Variants in GPC6 observed in about 807,000 individuals in gnomAD.
GPC6 encodes the protein glypican-6.
Under a neutral mutation model 55.2 loss-of-function variants are expected in GPC6, and 14 were observed. That is an observed-to-expected ratio of 0.25 (90% CI 0.17 to 0.40). The LOEUF is 0.40. Among genes scored for constraint, GPC6 ranks in the 10% least tolerant of loss-of-function variants. GPC6 has a pLI of 1.00. For missense variants in GPC6, 641 were observed against 708.5 expected, an observed-to-expected ratio of 0.90 and a Z score of 1.08; for synonymous variants, 278 against 259.6, an observed-to-expected ratio of 1.07 and a Z score of -0.68.
At chr13:93,525,869 AT>A (rs1881627207) in intron 1 of GPC6, among the ~76,000 whole-genome samples, 1 of 152,096 alleles carries the variant, frequency 6.6e-6, no homozygotes, top group African/African-American at 2.4e-5. Context: ...TAAAGAACCA[AT>A]GGTTTCAGCC....
In GPC6 at chr13:94,286,344, A is replaced by G. The variant is rs772852238; in HGVS notation, c.878-5A>G. The G allele has an allele frequency of 1.9e-6, 3 of 1,613,660 alleles. No homozygotes were observed. The African/African-American group carries it at 4.0e-5, about 22-fold the overall frequency. ...CAAATAAATCATGTTCCTGTATTTT[A>G]ACAGATGCAATGCTCTTGGTGGCAG... is the stretch of plus-strand genomic sequence containing the variant. On this transcript the variant is annotated splice_region_variant and splice_polypyrimidine_tract_variant and intron_variant, in intron 4 of 8. Transcript: ENST00000377047.
Position 94,403,061 on chromosome 13 carries a change from C to T in GPC6, c.1512C>T (p.Asp504=), listed in dbSNP as rs776151903. Reference sequence around the variant, plus strand: ...GGAGTGGCAGTGGGTGCATGGATGACGTGTGTCCCACGGAGTTTGAGTTTG... The same window carrying T: ...GGAGTGGCAGTGGGTGCATGGATGATGTGTGTCCCACGGAGTTTGAGTTTG... ...GSGSGSGCMD[D]VCPTEFEFVT... The change falls in exon 9 of 9, where the codon GAC becomes GAT. Residue 504 remains aspartate, a synonymous_variant. Transcript: ENST00000377047. 26 of 1,613,628 alleles carry T rather than the reference C, an allele frequency of 1.6e-5. No homozygotes were observed. The East Asian group carries it at 2.7e-4, about 17-fold the overall frequency.
intron 1 of GPC6, among the ~76,000 whole-genome samples, chr13:93,544,706 T>C (rs899028866): frequency 2.0e-5 from 3 of 152,206 alleles, no homozygotes; most frequent in African/African-American, 7.2e-5. Flanking sequence ...GTGACTTCCT[T>C]CTTTCTGGAG....
chr13:93,340,032 T>C (rs1232441967), intron 1 of GPC6, among the ~76,000 whole-genome samples: 2 of 90,536 alleles, frequency 2.2e-5, no homozygotes, highest in Non-Finnish European at 4.5e-5. Context: ...CTTTCTTTTT[T>C]TTTTTTTTTT....
intron 4 of GPC6, among the ~76,000 whole-genome samples, chr13:94,073,100 A>G (rs1884793436): frequency 6.6e-6 from 1 of 152,164 alleles, no homozygotes; most frequent in Admixed American, 6.6e-5. Context: ...ACTCACACAC[A>G]AACTCTCCAG....
At chr13:93,374,323 G>T (rs1334570011) in intron 1 of GPC6, among the ~76,000 whole-genome samples, 1 of 152,104 alleles carries the variant, frequency 6.6e-6, no homozygotes, top group Non-Finnish European at 1.5e-5. Context: ...AGAATTAGGA[G>T]GCCCGATTAA....
chr13:93,986,579 A>G (rs1366517880), intron 3 of GPC6, among the ~76,000 whole-genome samples: 1 of 152,178 alleles, frequency 6.6e-6, no homozygotes, highest in Non-Finnish European at 1.5e-5. Context: ...GACTGTGTAT[A>G]TTATACATAT....
rs368379903 is a variant in GPC6, at chr13:94,155,044, C to G, written c.877+127150C>G. On this transcript the variant is annotated intron_variant, in intron 4 of 8. Coordinates refer to ENST00000377047, the MANE Select transcript of GPC6 (RefSeq NM_005708.5). Reference sequence around the variant, plus strand: ...AGGGCACTGCATTGGTCCTTTAGTCCGGCTCCCTGGGGGTACACCTCTAAA... The same window carrying G: ...AGGGCACTGCATTGGTCCTTTAGTCGGGCTCCCTGGGGGTACACCTCTAAA... Among the ~76,000 whole-genome samples the G allele has an allele frequency of 1.1e-4, 16 of 152,210 alleles. No homozygotes were observed. In the East Asian group the frequency reaches 3.1e-3, roughly 29 times the overall value.
intron 2 of GPC6, among the ~76,000 whole-genome samples, chr13:93,566,227 T>C (rs1876109449): frequency 6.6e-6 from 1 of 152,238 alleles, no homozygotes; most frequent in Non-Finnish European, 1.5e-5. Flanking sequence ...GAGCAGTTAC[T>C]ACCTAAATGT....
At chr13:94,376,995 A>G (rs1445064579) in intron 6 of GPC6, among the ~76,000 whole-genome samples, 1 of 151,948 alleles carries the variant, frequency 6.6e-6, no homozygotes, top group Non-Finnish European at 1.5e-5. Flanking sequence ...CTGGCTAGCC[A>G]TATGTAGAAA....
At chr13:94,104,033 T>C (rs1016042719) in intron 4 of GPC6, among the ~76,000 whole-genome samples, 3 of 152,226 alleles carry the variant, frequency 2.0e-5, no homozygotes, top group Non-Finnish European at 2.9e-5. Flanking sequence ...CAGTTAAGTC[T>C]TTAATCCATC....
intron 1 of GPC6, among the ~76,000 whole-genome samples, chr13:93,430,839 G>A (rs533996524): frequency 1.0e-3 from 153 of 152,188 alleles, no homozygotes; most frequent in Non-Finnish European, 1.4e-3. Context: ...GGAAGAAATA[G>A]TTTATCCCTT....
chr13:93,707,000 T>C (rs1284313152), intron 2 of GPC6, among the ~76,000 whole-genome samples: 2 of 151,870 alleles, frequency 1.3e-5, no homozygotes, highest in Non-Finnish European at 2.9e-5. Flanking sequence ...GTGGTGAGGA[T>C]GTGACCAGGA....
upstream of GPC6, among the ~76,000 whole-genome samples, chr13:93,223,410 G>GT (rs1875671765): frequency 6.6e-6 from 1 of 151,996 alleles, no homozygotes; most frequent in African/African-American, 2.4e-5. Context: ...TTCCTAATGA[G>GT]ATGCAATCTT....
At chr13:94,086,540 A>G (rs371590309) in intron 4 of GPC6, among the ~76,000 whole-genome samples, 2 of 152,176 alleles carry the variant, frequency 1.3e-5, no homozygotes, top group East Asian at 3.8e-4. Context: ...CTTAGAAATT[A>G]TAAGTGGAAG....
At chr13:94,285,291 G>T (rs9589945) in intron 4 of GPC6, among the ~76,000 whole-genome samples, 1 of 152,084 alleles carries the variant, frequency 6.6e-6, no homozygotes, top group African/African-American at 2.4e-5. Context: ...GGCCAAGAAG[G>T]CACCTGCTTA....
At chr13:93,462,887 C>A (rs1878751496) in intron 1 of GPC6, among the ~76,000 whole-genome samples, 1 of 152,078 alleles carries the variant, frequency 6.6e-6, no homozygotes, top group Non-Finnish European at 1.5e-5. Context: ...TTTTCCCGTG[C>A]CCTGCCCTCT....
chr13:93,667,735 G>GTTTTTTTTGT (rs1881200365), intron 2 of GPC6, among the ~76,000 whole-genome samples: 4 of 123,168 alleles, frequency 3.2e-5, no homozygotes, highest in Admixed American at 3.2e-4. Context: ...GCCAGGACTT[G>GTTTTTTTTGT]TTTTTTTTTT....
At chr13:94,368,282 T>A (rs1228238131) in intron 6 of GPC6, among the ~76,000 whole-genome samples, 1 of 152,108 alleles carries the variant, frequency 6.6e-6, no homozygotes, top group East Asian at 1.9e-4. Flanking sequence ...GGTTGAATAG[T>A]GTCTTGAGGG....
Sources: allele counts gnomAD v4.1 joint callset (sites outside exome capture counted in the v4.1 genomes callset), GRCh38; gene constraint gnomAD v4.1.1; transcripts MANE v1.5; gene names NCBI Gene and HGNC (gene_info 2026-07-23, HGNC 2026-07-21).